Variants in TECTA observed in about 807,000 individuals in gnomAD.
TECTA encodes alpha-tectorin.
In TECTA, 128 loss-of-function variants were observed where a neutral mutation model predicts 216.8. That is an observed-to-expected ratio of 0.59 (90% CI 0.51 to 0.68). The LOEUF (loss-of-function observed/expected upper bound fraction) is 0.68. Among genes scored for constraint, TECTA ranks in the 30% least tolerant of loss-of-function variants. The probability of loss-of-function intolerance (pLI) is 0.00; values close to 1 mark genes in which losing one functional copy is unlikely to be tolerated. For missense variants in TECTA, 2,551 were observed against 2,786.2 expected (o/e 0.92, Z 1.90); for synonymous variants, 1,089 against 1,117.1 (o/e 0.97, Z 0.50).
At position 121,127,547 on chromosome 11, in the gene TECTA, A is replaced by G. The variant is rs1183286810; in HGVS notation, c.1775-205A>G. Among the ~76,000 whole-genome samples, 1 of 152,214 alleles carries G rather than the reference A, an allele frequency of 6.6e-6. No homozygotes were observed. The highest frequency in any genetic ancestry group is 2.4e-5 in the African/African-American group (1 of 41,452). ...GATGATCAAATTCCAATAGAAGTTC[A>G]CAGTCCAATCATGCTGCTCAGTAGT... On this transcript the variant is annotated intron_variant, in intron 8 of 23. Transcript: ENST00000392793. The surrounding 1 kb of genome is among the most constrained non-coding windows in gnomAD (Gnocchi z 5.0).
At chr11:121,130,383 G>A (rs1027240056) in intron 10 of TECTA, among the ~76,000 whole-genome samples, 172 bp downstream of exon 10, 30 of 152,232 alleles carry the variant, frequency 2.0e-4, no homozygotes, top group Admixed American at 1.9e-3. Context: ...ACCCCAAACC[G>A]GAGAGCCTCT....
intron 11 of TECTA, 113 bp from the exon 12 acceptor site, chr11:121,145,432 GACTGCATTCA>G (rs1031640586): frequency 2.1e-6 from 2 of 939,462 alleles, no homozygotes; most frequent in African/African-American, 3.2e-5. Flanking sequence ...TACATGCAAA[GACTGCATTCA>G]ACCTGCTCAA....
At chr11:121,145,443 A>T in intron 11 of TECTA, 112 bp from the exon 12 acceptor site, 1 of 1,110,164 alleles carries the variant, frequency 9.0e-7, no homozygotes, top group Non-Finnish European at 1.4e-6. Flanking sequence ...ACTGCATTCA[A>T]CCTGCTCAAA....
At chr11:121,110,771 A>T (rs892229739) in intron 4 of TECTA, 1 of 152,228 alleles carries the variant, frequency 6.6e-6, no homozygotes, top group Admixed American at 6.5e-5. Flanking sequence ...TTTCAAAAAA[A>T]CTTCCATTGG....
chr11:121,120,215 G>T (rs1219487999), intron 7 of TECTA, among the ~76,000 whole-genome samples: 1 of 152,136 alleles, frequency 6.6e-6, no homozygotes, highest in Non-Finnish European at 1.5e-5. Context: ...CAGCAGCTCT[G>T]CTAATTTTGC....
intron 3 of TECTA, among the ~76,000 whole-genome samples, chr11:121,108,605 C>A (rs1316931443): frequency 6.7e-6 from 1 of 149,884 alleles, no homozygotes; most frequent in African/African-American, 2.5e-5. Context: ...CACCACATCC[C>A]CCGTATACAC....
intron 10 of TECTA, among the ~76,000 whole-genome samples, chr11:121,131,680 T>C (rs1946676294): frequency 6.6e-6 from 1 of 152,268 alleles, no homozygotes; most frequent in African/African-American, 2.4e-5. Flanking sequence ...ATGTTGCATC[T>C]TATTATGATG....
intron 11 of TECTA, among the ~76,000 whole-genome samples, chr11:121,145,207 A>G (rs1027661409): frequency 1.2e-4 from 18 of 152,232 alleles, no homozygotes; most frequent in African/African-American, 4.3e-4. Context: ...TAGAAATAGA[A>G]ACACAAGAGT....
At chr11:121,152,088 C>T (rs1243237175) in intron 12 of TECTA, among the ~76,000 whole-genome samples, 3 of 152,238 alleles carry the variant, frequency 2.0e-5, no homozygotes, top group Admixed American at 1.3e-4. Flanking sequence ...GAGTGACGCT[C>T]TGGGTCTCTT....
rs372286206 is a variant in TECTA at position 121,130,188 on chromosome 11, C to T, written c.2918C>T (p.Pro973Leu). The T allele has an allele frequency of 3.7e-6, 6 of 1,601,188 alleles. No homozygotes were observed. Among genetic ancestry groups the T allele is most frequent in the Non-Finnish European group, 5.1e-6 (6 of 1,179,952 alleles). ...AAGAATGCGGACGTGGAGGTGGGGC[C>T]CTGGCGGACCTATGACTTCTGCCGT... ...ACKNADVEVGPWRTYDFCPLE... is the reference protein window; with the variant it reads ...ACKNADVEVGLWRTYDFCPLE... Residue 973 changes from proline to leucine, a missense_variant, in exon 10 of 24, where the codon CCC becomes CTC. Transcript: ENST00000392793.
intron 2 of TECTA, among the ~76,000 whole-genome samples, chr11:121,103,710 A>T (rs888799724): frequency 2.0e-5 from 3 of 151,886 alleles, no homozygotes; most frequent in African/African-American, 7.2e-5. Context: ...TAACAGTTTT[A>T]TATATATATA....
rs1307985666 is a variant in TECTA, at chr11:121,127,103, G to A, written c.1775-649G>A. Reference sequence around the variant, plus strand: ...CCCAGATGTTATTAAAGCAAGAACCGAAGATTTCTAAGGCAAGAAGGGCCT... The same window carrying A: ...CCCAGATGTTATTAAAGCAAGAACCAAAGATTTCTAAGGCAAGAAGGGCCT... On this transcript the variant is annotated intron_variant, in intron 8 of 23. Coordinates refer to ENST00000392793, the MANE Select transcript of TECTA (RefSeq NM_005422.4). The surrounding 1 kb of genome is among the most constrained non-coding windows in gnomAD (Gnocchi z 5.0). 2.0e-5 allele frequency among the ~76,000 whole-genome samples: 3 copies of A among 152,170 alleles called. No individual in the cohort carries two copies. The highest frequency in any genetic ancestry group is 2.9e-5 in the Non-Finnish European group (2 of 68,038).
chr11:121,130,127 C>T lies in TECTA; in HGVS notation c.2857C>T (p.Leu953Phe), dbSNP rs1434651392. The T allele has an allele frequency of 3.1e-6, 5 of 1,611,218 alleles. No homozygotes were observed. Among genetic ancestry groups the T allele is most frequent in the South Asian group, 1.1e-5 (1 of 91,090 alleles). ...CCAGAGTGGGGGCAATGAGTCAGAGCTCTGTGACTCTGTGGCCCGGTATGC... is the reference window on the plus strand; with the variant it reads ...CCAGAGTGGGGGCAATGAGTCAGAGTTCTGTGACTCTGTGGCCCGGTATGC... ...LCQSGGNESE[L>F]CDSVARYASA... Residue 953 changes from leucine to phenylalanine, a missense_variant, in exon 10 of 24, where the codon CTC (leucine) becomes TTC (phenylalanine). Leu to Phe is a conservative substitution (Grantham distance 22). Around this residue, in one of 3 missense-constraint regions of TECTA, gnomAD observed 2,375 missense variants for 2,563.9 expected, o/e 0.93. Transcript: ENST00000392793.
intron 1 of TECTA, 132 bp from the exon 2 acceptor site, chr11:121,102,533 T>C (rs1946355505): frequency 8.1e-6 from 6 of 740,190 alleles, no homozygotes; most frequent in Non-Finnish European, 1.4e-5. Flanking sequence ...GACTCAGCAC[T>C]GTTGATGTTG....
rs933170427 is a variant in TECTA at position 121,125,714 on chromosome 11, C to T, written c.1616C>T (p.Thr539Ile). 3 of 1,611,338 alleles carry T rather than the reference C, an allele frequency of 1.9e-6. No homozygotes were observed. The highest frequency in any genetic ancestry group is 2.5e-6 in the Non-Finnish European group (3 of 1,177,588). ...KTDGPLWECG[T>I]VVDPTAFVHS... ...GACGGCCCTCTGTGGGAGTGTGGCA[C>T]TGTCGTGGACCCCACTGCTTTTGTG... Residue 539 changes from threonine to isoleucine, a missense_variant, in exon 8 of 24, where the codon ACT (threonine) becomes ATT (isoleucine). Physicochemically the swap from Thr to Ile is moderately conservative, Grantham distance 89. This residue lies in a region of TECTA where 2,375 missense variants were observed against 2,563.9 expected (regional missense o/e 0.93). Coordinates refer to ENST00000392793, the MANE Select transcript of TECTA (RefSeq NM_005422.4).
rs1236233801 is a variant in TECTA, at chr11:121,105,632, A to G, written c.65-199A>G. Among the ~76,000 whole-genome samples the G allele has an allele frequency of 1.3e-5, 2 of 152,068 alleles. No individual in the cohort carries two copies. Among genetic ancestry groups the G allele is most frequent in the African/African-American group, 4.8e-5 (2 of 41,392 alleles). On this transcript the variant is annotated intron_variant, in intron 2 of 23. Coordinates refer to ENST00000392793, the MANE Select transcript of TECTA (RefSeq NM_005422.4). This position sits in a 1 kb window ranked among gnomAD's most constrained non-coding sequence, Gnocchi z 5.3. ...CTTTCTCCTATGGAGAAACAATGTCACTCCCATTTTCCCGTTTCCCAGAGC... is the reference window on the plus strand; with the variant it reads ...CTTTCTCCTATGGAGAAACAATGTCGCTCCCATTTTCCCGTTTCCCAGAGC...
chr11:121,132,312 C>T (rs540349243), intron 10 of TECTA, among the ~76,000 whole-genome samples: 16 of 152,326 alleles, frequency 1.1e-4, no homozygotes, highest in Middle Eastern at 3.4e-3. Flanking sequence ...GTTCCATATA[C>T]GGCCAGTGGG....
chr11:121,169,661 T>A (rs510722), intron 20 of TECTA, among the ~76,000 whole-genome samples: 72,356 of 152,044 alleles, frequency 0.48, 20,549 homozygotes, highest in African/African-American at 0.8. Flanking sequence ...AGAATTGCAA[T>A]TATCACCATA....
At chr11:121,126,014 C>A in intron 8 of TECTA, 142 bp downstream of exon 8, 1 of 1,030,540 alleles carries the variant, frequency 9.7e-7, no homozygotes, top group South Asian at 1.4e-5. Flanking sequence ...TTACAAAGAA[C>A]GAATTGTGAA....
Sources: allele counts gnomAD v4.1 joint callset (sites outside exome capture counted in the v4.1 genomes callset), GRCh38; gene constraint gnomAD v4.1.1; regional missense constraint gnomAD v4.1.1; non-coding constraint Gnocchi (gnomAD v3.1); transcripts MANE v1.5; gene names NCBI Gene and HGNC (gene_info 2026-07-23, HGNC 2026-07-21).